Variants in CSMD3 observed in about 807,000 individuals in gnomAD.
CSMD3 encodes CUB and Sushi multiple domains 3.
Under a neutral mutation model 435.2 loss-of-function variants are expected in CSMD3, and 177 were observed. The ratio of observed to expected loss-of-function variants is 0.41; its 90% CI spans 0.36 to 0.46. The LOEUF is 0.46. Among genes scored for constraint, CSMD3 ranks in the 20% least tolerant of loss-of-function variants. The pLI is 0.34. For missense variants in CSMD3, 4,265 were observed against 4,504.6 expected, an observed-to-expected ratio of 0.95 and a Z score of 1.52; for synonymous variants, 1,656 against 1,520.5, an observed-to-expected ratio of 1.09 and a Z score of -2.07.
chr8:112,455,962 A>G (rs918572944), intron 32 of CSMD3, among the ~76,000 whole-genome samples: 1 of 152,142 alleles, frequency 6.6e-6, no homozygotes, highest in African/African-American at 2.4e-5. Context: ...TTAACACAGC[A>G]AAATTTTTTA....
At chr8:112,308,436 G>A (rs1193131522) in intron 50 of CSMD3, among the ~76,000 whole-genome samples, 4 of 152,054 alleles carry the variant, frequency 2.6e-5, no homozygotes, top group East Asian at 1.9e-4. Context: ...AAGAGACAAC[G>A]TACCAGAATA....
chr8:113,372,132 T>A (rs2094349350), intron 1 of CSMD3, among the ~76,000 whole-genome samples: 3 of 152,152 alleles, frequency 2.0e-5, no homozygotes, highest in Admixed American at 1.3e-4. Context: ...ATCTTATATT[T>A]TAAATATTTG....
chr8:112,602,015 G>T (rs1214722327), intron 22 of CSMD3, among the ~76,000 whole-genome samples: 1 of 152,140 alleles, frequency 6.6e-6, no homozygotes, highest in African/African-American at 2.4e-5. Flanking sequence ...GAAGCCGATG[G>T]GAGCAGATAG....
At chr8:112,453,298 T>C (rs1432653817) in intron 32 of CSMD3, among the ~76,000 whole-genome samples, 1 of 151,978 alleles carries the variant, frequency 6.6e-6, no homozygotes, top group African/African-American at 2.4e-5. Flanking sequence ...ATAAAAGGAA[T>C]CCAAGTAGGA....
intron 12 of CSMD3, among the ~76,000 whole-genome samples, chr8:112,820,053 A>G (rs2079485974): frequency 6.6e-6 from 1 of 152,072 alleles, no homozygotes; most frequent in African/African-American, 2.4e-5. Context: ...TAATTATCCA[A>G]TCCCTCTAGC....
intron 4 of CSMD3, among the ~76,000 whole-genome samples, chr8:113,101,130 A>G (rs1027209171): frequency 6.6e-6 from 1 of 152,154 alleles, no homozygotes; most frequent in Non-Finnish European, 1.5e-5. Context: ...TCTTTCACTC[A>G]TAGGCCCTTT....
At chr8:112,711,823 G>A (rs911194842) in intron 13 of CSMD3, among the ~76,000 whole-genome samples, 1 of 151,962 alleles carries the variant, frequency 6.6e-6, no homozygotes, top group East Asian at 1.9e-4. Context: ...GCCAGATAAT[G>A]GCTCACTGCA....
chr8:112,624,905 A>G (rs1834358345), intron 22 of CSMD3, among the ~76,000 whole-genome samples: 2 of 152,098 alleles, frequency 1.3e-5, no homozygotes, highest in East Asian at 3.9e-4. Context: ...TGTAATCTTT[A>G]TTCCTGCTTG....
At chr8:112,346,286 T>G in intron 40 of CSMD3, 73 bp from the exon 41 acceptor site, 1 of 946,732 alleles carries the variant, frequency 1.1e-6, no homozygotes, top group Non-Finnish European at 1.7e-6. Flanking sequence ...CATATTAAAA[T>G]CATTTCACGT....
chr8:112,401,366 G>T (rs965796681), intron 35 of CSMD3, among the ~76,000 whole-genome samples: 1 of 150,802 alleles, frequency 6.6e-6, no homozygotes, highest in African/African-American at 2.4e-5. Context: ...TGTTTAATGT[G>T]ACAGATCATT....
intron 16 of CSMD3, among the ~76,000 whole-genome samples, chr8:112,675,346 T>C (rs781401093): frequency 1.3e-5 from 2 of 152,166 alleles, no homozygotes; most frequent in Non-Finnish European, 2.9e-5. Flanking sequence ...TCTTCCAATG[T>C]ATTTCACTAA....
At chr8:113,318,551 A>G (rs2093926931) in intron 1 of CSMD3, among the ~76,000 whole-genome samples, 1 of 152,108 alleles carries the variant, frequency 6.6e-6, no homozygotes, top group Non-Finnish European at 1.5e-5. Flanking sequence ...TACCTGCTAT[A>G]TGACCTACAG....
chr8:112,863,618 A>C (rs1319342681), intron 10 of CSMD3, among the ~76,000 whole-genome samples: 1 of 152,034 alleles, frequency 6.6e-6, no homozygotes, highest in Non-Finnish European at 1.5e-5. Flanking sequence ...ATCCATTATT[A>C]TTTATATTTC....
chr8:113,399,972 A>T (rs2133197699), intron 1 of CSMD3, among the ~76,000 whole-genome samples: 1 of 151,812 alleles, frequency 6.6e-6, no homozygotes, highest in African/African-American at 2.4e-5. Flanking sequence ...ATGTATACAT[A>T]TATATCACTT....
At position 112,265,573 on chromosome 8, in the gene CSMD3, G is replaced by C. The variant is rs1816863695; in HGVS notation, c.9526C>G (p.Pro3176Ala). Reference protein sequence around the residue: ...PNCTIISCGDPGIPANGLRYG... With the variant: ...PNCTIISCGDAGIPANGLRYG... ...CTCAGTCCATTGGCTGGTATACCTGGGTCTCCACAACTGATTACTGTCAGT... is the reference window on the plus strand; with the variant it reads ...CTCAGTCCATTGGCTGGTATACCTGCGTCTCCACAACTGATTACTGTCAGT... The change falls in exon 60 of 71, where the codon CCA becomes GCA. Residue 3176 changes from proline to alanine, a missense_variant. Pro to Ala is a conservative substitution (Grantham distance 27). Coordinates refer to ENST00000297405, the MANE Select transcript of CSMD3 (RefSeq NM_198123.2). 6.2e-7 allele frequency: 1 copy of C among 1,612,812 alleles called. No individual in the cohort carries two copies. Among genetic ancestry groups the C allele is most frequent in the Admixed American group, 1.7e-5 (1 of 59,944 alleles).
intron 22 of CSMD3, among the ~76,000 whole-genome samples, chr8:112,589,475 G>GA (rs1039934055): frequency 2.0e-5 from 3 of 152,078 alleles, no homozygotes; most frequent in East Asian, 3.9e-4. Flanking sequence ...ATATTAAATT[G>GA]AAAAAAGCAA....
intron 6 of CSMD3, among the ~76,000 whole-genome samples, chr8:112,996,650 C>T (rs922839766): frequency 8.6e-5 from 13 of 151,522 alleles, no homozygotes; most frequent in African/African-American, 3.1e-4. Context: ...CTGTTTCAAG[C>T]ATATCTGCAA....
intron 13 of CSMD3, among the ~76,000 whole-genome samples, chr8:112,756,657 T>C (rs529185419): frequency 6.6e-6 from 1 of 152,304 alleles, no homozygotes; most frequent in South Asian, 2.1e-4. Flanking sequence ...TGGCACCATG[T>C]TCTGAGTTGT....
chr8:112,725,976 A>C (rs2076955499), intron 13 of CSMD3, among the ~76,000 whole-genome samples: 1 of 151,980 alleles, frequency 6.6e-6, no homozygotes, highest in African/African-American at 2.4e-5. Flanking sequence ...TTCACAGTTC[A>C]GCATGGCTGT....
Sources: allele counts gnomAD v4.1 joint callset (sites outside exome capture counted in the v4.1 genomes callset), GRCh38; gene constraint gnomAD v4.1.1; transcripts MANE v1.5; gene names NCBI Gene and HGNC (gene_info 2026-07-23, HGNC 2026-07-21).